CDH18: variants seen among roughly 807,000 people sequenced by gnomAD.
The protein encoded by CDH18 is cadherin-18.
A neutral mutation model predicts 67.9 loss-of-function variants in CDH18; 31 were observed. The ratio of observed to expected loss-of-function variants is 0.46; its 90% CI spans 0.34 to 0.62. CDH18 has a LOEUF of 0.62. CDH18 is among the 20% of genes least tolerant of loss of function. The probability of loss-of-function intolerance (pLI) is 0.01; values close to 1 mark genes in which losing one functional copy is unlikely to be tolerated. For missense variants in CDH18, 890 were observed against 975.5 expected (o/e 0.91, Z 1.17); for synonymous variants, 362 against 347.2 (o/e 1.04, Z -0.48).
At chr5:19,479,703 C>T (rs1739076971) in intron 12 of CDH18, among the ~76,000 whole-genome samples, 2 of 152,106 alleles carry the variant, frequency 1.3e-5, no homozygotes, top group Admixed American at 1.3e-4. Flanking sequence ...GTCCATGCCT[C>T]ACTTACGGTG....
chr5:20,026,601 T>G (rs962811709), intron 2 of CDH18, among the ~76,000 whole-genome samples: 1 of 152,228 alleles, frequency 6.6e-6, no homozygotes, highest in Non-Finnish European at 1.5e-5. Context: ...ATCAAGCATA[T>G]GTTTAATGAC....
chr5:20,157,982 T>A (rs2126599235), intron 2 of CDH18, among the ~76,000 whole-genome samples: 1 of 152,302 alleles, frequency 6.6e-6, no homozygotes. Flanking sequence ...TCCCAGTTTC[T>A]GTTAACTACC....
At chr5:20,389,561 C>T (rs1238064432) in intron 1 of CDH18, among the ~76,000 whole-genome samples, 2 of 151,870 alleles carry the variant, frequency 1.3e-5, no homozygotes, top group African/African-American at 4.8e-5. Flanking sequence ...GGCCATACTG[C>T]CCAAGGTAAT....
intron 1 of CDH18, among the ~76,000 whole-genome samples, chr5:20,279,282 A>G (rs1192279257): frequency 1.3e-5 from 2 of 152,174 alleles, no homozygotes; most frequent in Non-Finnish European, 2.9e-5. Context: ...ACTTAAAGAC[A>G]AAAACTATAA....
At chr5:19,651,163 A>C (rs1755514845) in intron 5 of CDH18, among the ~76,000 whole-genome samples, 1 of 152,054 alleles carries the variant, frequency 6.6e-6, no homozygotes, top group African/African-American at 2.4e-5. Flanking sequence ...GTTATTATGG[A>C]CTCATAGGTT....
intron 2 of CDH18, among the ~76,000 whole-genome samples, chr5:19,943,089 A>ATAATTCCC (rs1454863632): frequency 6.6e-6 from 1 of 152,162 alleles, no homozygotes; most frequent in Non-Finnish European, 1.5e-5. Flanking sequence ...TCATAATATA[A>ATAATTCCC]TAATTCCCAA....
chr5:19,948,685 T>C (rs1192315746), intron 2 of CDH18, among the ~76,000 whole-genome samples: 1 of 152,092 alleles, frequency 6.6e-6, no homozygotes. Flanking sequence ...CAAATAACTT[T>C]AGAAATCTGA....
At chr5:20,389,454 G>T (rs968640443) in intron 1 of CDH18, among the ~76,000 whole-genome samples, 1 of 151,824 alleles carries the variant, frequency 6.6e-6, no homozygotes, top group Non-Finnish European at 1.5e-5. Flanking sequence ...GTCTCTGCAC[G>T]TGAGATGGGT....
rs974747867 is a variant in CDH18, at chr5:19,917,452, G to A, written c.-257+63608C>T. On this transcript the variant is annotated intron_variant, in intron 2 of 12. Transcript: ENST00000382275. ...TAAACTACTTTTAGCAACTAGGTAT[G>A]TTAGTTTCCTGCAATATGGTCTAAA... is the stretch of plus-strand genomic sequence containing the variant. 1.3e-4 allele frequency among the ~76,000 whole-genome samples: 19 copies of A among 151,438 alleles called. No individual in the cohort carries two copies. In the South Asian group the frequency reaches 1.5e-3, roughly 12 times the overall value.
At chr5:20,494,757 C>T (rs1479535065) in intron 1 of CDH18, among the ~76,000 whole-genome samples, 3 of 152,064 alleles carry the variant, frequency 2.0e-5, no homozygotes, top group Non-Finnish European at 2.9e-5. Flanking sequence ...TTCTTTAGAG[C>T]AATGCAGCCT....
intron 1 of CDH18, among the ~76,000 whole-genome samples, chr5:20,356,136 A>G (rs1042681170): frequency 6.6e-6 from 1 of 152,168 alleles, no homozygotes; most frequent in African/African-American, 2.4e-5. Flanking sequence ...TAATCCCAGC[A>G]CTTTGGGAGG....
chr5:20,094,114 A>C (rs1745676732), intron 2 of CDH18, among the ~76,000 whole-genome samples: 1 of 152,280 alleles, frequency 6.6e-6, no homozygotes, highest in South Asian at 2.1e-4. Flanking sequence ...TGGCCTAGAA[A>C]ACCACAAAAT....
intron 2 of CDH18, among the ~76,000 whole-genome samples, chr5:20,055,040 ATTT>A (rs1395752543): frequency 2.6e-5 from 4 of 152,054 alleles, no homozygotes; most frequent in Non-Finnish European, 5.9e-5. Flanking sequence ...CATCATCTAT[ATTT>A]CTGTGAAAGA....
At chr5:20,401,255 C>A (rs950404105) in intron 1 of CDH18, among the ~76,000 whole-genome samples, 3 of 151,970 alleles carry the variant, frequency 2.0e-5, no homozygotes, top group East Asian at 1.9e-4. Context: ...CTTAAGTAGT[C>A]GAAATAATGA....
intron 5 of CDH18, among the ~76,000 whole-genome samples, chr5:19,692,200 C>T (rs887990826): frequency 3.3e-5 from 5 of 152,054 alleles, no homozygotes; most frequent in Non-Finnish European, 7.4e-5. Flanking sequence ...TGAAACTAGA[C>T]TGCTTTCTCT....
At chr5:20,236,478 A>C (rs1742484495) in intron 2 of CDH18, among the ~76,000 whole-genome samples, 1 of 151,898 alleles carries the variant, frequency 6.6e-6, no homozygotes, top group South Asian at 2.1e-4. Flanking sequence ...AAAAAAGACA[A>C]GTTGCAAATT....
chr5:20,301,830 T>C (rs1463713739), intron 1 of CDH18, among the ~76,000 whole-genome samples: 2 of 136,102 alleles, frequency 1.5e-5, no homozygotes, highest in East Asian at 2.2e-4. Context: ...ATATAAAATG[T>C]GATCTAGAAT....
At chr5:20,039,573 C>A (rs1349740280) in intron 2 of CDH18, among the ~76,000 whole-genome samples, 1 of 152,028 alleles carries the variant, frequency 6.6e-6, no homozygotes, top group African/African-American at 2.4e-5. Flanking sequence ...CTTTGACAAA[C>A]CTGACAAAAA....
intron 1 of CDH18, among the ~76,000 whole-genome samples, chr5:20,356,803 GTATA>G (rs781277963): frequency 2.1e-5 from 3 of 143,460 alleles, no homozygotes; most frequent in Non-Finnish European, 4.6e-5. Flanking sequence ...CTATGTATGC[GTATA>G]TATGTATATA....
Sources: allele counts gnomAD v4.1 joint callset (sites outside exome capture counted in the v4.1 genomes callset), GRCh38; gene constraint gnomAD v4.1.1; transcripts MANE v1.5; gene names NCBI Gene and HGNC (gene_info 2026-07-23, HGNC 2026-07-21).